Variants in LRRFIP1 observed in about 807,000 individuals in gnomAD.
The protein encoded by LRRFIP1 is leucine-rich repeat flightless-interacting protein 1.
LRRFIP1 carries 62 observed loss-of-function variants against 104.4 expected under a neutral mutation model. That is an observed-to-expected ratio of 0.59 (90% CI 0.48 to 0.73). The LOEUF (loss-of-function observed/expected upper bound fraction) is 0.73, where lower values mean the gene tolerates loss of function less well. LRRFIP1 is among the 30% of genes least tolerant of loss of function. The pLI is 0.00. For missense variants in LRRFIP1, 796 were observed against 824.5 expected, an observed-to-expected ratio of 0.97 and a Z score of 0.42; for synonymous variants, 300 against 299.0, an observed-to-expected ratio of 1.00 and a Z score of -0.03.
At chr2:237,752,642 TG>T (rs950543934) in intron 14 of LRRFIP1, among the ~76,000 whole-genome samples, 2 of 152,238 alleles carry the variant, frequency 1.3e-5, no homozygotes, top group Admixed American at 1.3e-4. Flanking sequence ...TCCTCATGTT[TG>T]GGGACCTGCA....
chr2:237,681,083 AT>A (rs1294854237), intron 1 of LRRFIP1, among the ~76,000 whole-genome samples: 1 of 152,238 alleles, frequency 6.6e-6, no homozygotes, highest in African/African-American at 2.4e-5. Context: ...TTGAAAAAAC[AT>A]AACAGGGGTA....
chr2:237,743,309 G>T (rs1327674806), intron 11 of LRRFIP1, among the ~76,000 whole-genome samples: 1 of 152,128 alleles, frequency 6.6e-6, no homozygotes, highest in Non-Finnish European at 1.5e-5. Flanking sequence ...AGGGAGGGTG[G>T]TGCTGTTAAA....
Position 237,691,694 on chromosome 2 carries a change from C to T in LRRFIP1, c.97-16850C>T, listed in dbSNP as rs3754727. Reference sequence around the variant, plus strand: ...CGCCCAGCCCCGGGCAGGTCCCCCCCCGGAGGGGACCCCCTCTTCGGGTCG... The same window carrying T: ...CGCCCAGCCCCGGGCAGGTCCCCCCTCGGAGGGGACCCCCTCTTCGGGTCG... On this transcript the variant is annotated intron_variant, in intron 1 of 23. Coordinates refer to ENST00000308482, the MANE Select transcript of LRRFIP1 (RefSeq NM_001137550.2). The surrounding 1 kb of genome is among the most constrained non-coding windows in gnomAD (Gnocchi z 5.4). Among the ~76,000 whole-genome samples, 1 of 152,156 alleles carries T rather than the reference C, an allele frequency of 6.6e-6. No individual in the cohort carries two copies. Among genetic ancestry groups the T allele is most frequent in the Non-Finnish European group, 1.5e-5 (1 of 68,010 alleles).
chr2:237,748,000 C>A (rs897815917), intron 11 of LRRFIP1, among the ~76,000 whole-genome samples: 1 of 152,176 alleles, frequency 6.6e-6, no homozygotes. Flanking sequence ...ACACCACTGC[C>A]GGCCTCTGCC....
At chr2:237,693,092 G>A (rs1168805336) in intron 1 of LRRFIP1, among the ~76,000 whole-genome samples, 1 of 152,262 alleles carries the variant, frequency 6.6e-6, no homozygotes, top group African/African-American at 2.4e-5. Flanking sequence ...AGCTCAATAT[G>A]CAGTCGTGGG....
chr2:237,672,479 T>C (rs1461932264), intron 1 of LRRFIP1, among the ~76,000 whole-genome samples: 1 of 152,234 alleles, frequency 6.6e-6, no homozygotes, highest in Non-Finnish European at 1.5e-5. Context: ...TGTAGTTCTT[T>C]TGCAAGAGAG....
chr2:237,695,385 A>G (rs971937785), intron 1 of LRRFIP1, among the ~76,000 whole-genome samples: 2 of 152,210 alleles, frequency 1.3e-5, no homozygotes, highest in African/African-American at 2.4e-5. Flanking sequence ...AGCGAAGTTG[A>G]TTGGAGAGTT....
intron 20 of LRRFIP1, among the ~76,000 whole-genome samples, chr2:237,771,554 C>T (rs1314403047): frequency 2.9e-5 from 2 of 69,242 alleles, no homozygotes; most frequent in East Asian, 6.9e-4. Flanking sequence ...GAACCAATCC[C>T]CCCCCCCCCC....
chr2:237,764,307 A>C, intron 19 of LRRFIP1: 1 of 1,525,686 alleles, frequency 6.6e-7, no homozygotes, highest in Non-Finnish European at 8.8e-7. Flanking sequence ...GTAGATTTCC[A>C]TGTAATCATT....
At position 237,717,338 on chromosome 2, in the gene LRRFIP1, G is replaced by T. The variant is rs552935651; in HGVS notation, c.202-424G>T. ...CCCTTCTCCTCTCAGTTTCCCTGAG[G>T]TCCCAACACCGGAATGGCTCTGAGC... On this transcript the variant is annotated intron_variant, in intron 3 of 23. Coordinates refer to ENST00000308482, the MANE Select transcript of LRRFIP1 (RefSeq NM_001137550.2). The surrounding 1 kb of genome is among the most constrained non-coding windows in gnomAD (Gnocchi z 4.2). Among the ~76,000 whole-genome samples the T allele has an allele frequency of 3.3e-5, 5 of 152,304 alleles. No individual in the cohort carries two copies. The South Asian group carries it at 8.3e-4, about 25-fold the overall frequency.
intron 11 of LRRFIP1, among the ~76,000 whole-genome samples, chr2:237,745,399 C>G (rs141738573): frequency 3.3e-5 from 5 of 152,318 alleles, no homozygotes; most frequent in African/African-American, 1.2e-4. Flanking sequence ...TGCATGGTCT[C>G]TACTTAAAAA....
chr2:237,753,875 A>G (rs981876045), intron 15 of LRRFIP1, among the ~76,000 whole-genome samples: 1 of 149,844 alleles, frequency 6.7e-6, no homozygotes, highest in Admixed American at 6.7e-5. Flanking sequence ...TATCGTGTGT[A>G]TGTATGTATA....
At chr2:237,633,296 G>A (rs1381384876) in intron 1 of LRRFIP1, among the ~76,000 whole-genome samples, 3 of 152,210 alleles carry the variant, frequency 2.0e-5, no homozygotes, top group Non-Finnish European at 2.9e-5. Flanking sequence ...TGGAGGGCGT[G>A]AACAATGTGC....
rs62183619 is a variant in LRRFIP1 at position 237,649,225 on chromosome 2, T to C, written c.96+21485T>C. On this transcript the variant is annotated intron_variant, in intron 1 of 23. Coordinates refer to ENST00000308482, the MANE Select transcript of LRRFIP1 (RefSeq NM_001137550.2). This position sits in a 1 kb window ranked among gnomAD's most constrained non-coding sequence, Gnocchi z 4.1. ...CAGCCCCTCCCTCCCCACCCACAGC[T>C]GTGCCCAGCTACGAACACTGTAGGC... Among the ~76,000 whole-genome samples the C allele has an allele frequency of 2.7e-5, 4 of 149,880 alleles. No individual in the cohort carries two copies. Among genetic ancestry groups the C allele is most frequent in the African/African-American group, 9.7e-5 (4 of 41,054 alleles).
intron 22 of LRRFIP1, among the ~76,000 whole-genome samples, chr2:237,773,459 A>G (rs2060821472): frequency 1.3e-5 from 2 of 152,186 alleles, no homozygotes; most frequent in Middle Eastern, 6.8e-3. Context: ...AATCGCTTGA[A>G]CCAGGGTGGC....
At chr2:237,675,048 G>A (rs1045867961) in intron 1 of LRRFIP1, among the ~76,000 whole-genome samples, 67 of 152,200 alleles carry the variant, frequency 4.4e-4, no homozygotes, top group African/African-American at 1.6e-3. Context: ...CCCCAGCAAC[G>A]GGATTTCACC....
intron 19 of LRRFIP1, chr2:237,763,354 G>C: frequency 6.2e-7 from 1 of 1,614,052 alleles, no homozygotes; most frequent in Non-Finnish European, 8.5e-7. Flanking sequence ...CCTTAGATAT[G>C]AAAGAGCCCG....
At chr2:237,765,712 A>C in intron 19 of LRRFIP1, 1 of 937,268 alleles carries the variant, frequency 1.1e-6, no homozygotes, top group South Asian at 4.9e-5. Context: ...TTTTTAAAAT[A>C]ATTGTAAAGT....
chr2:237,770,665 C>A (rs1199327338), intron 20 of LRRFIP1: 1 of 152,300 alleles, frequency 6.6e-6, no homozygotes, highest in Non-Finnish European at 1.5e-5. Context: ...TGATGGTGCG[C>A]GCCCGTAATC....
Sources: allele counts gnomAD v4.1 joint callset (sites outside exome capture counted in the v4.1 genomes callset), GRCh38; gene constraint gnomAD v4.1.1; non-coding constraint Gnocchi (gnomAD v3.1); transcripts MANE v1.5; gene names NCBI Gene and HGNC (gene_info 2026-07-23, HGNC 2026-07-21).